The following NDP variants were observed in gnomAD, a reference collection of about 807,000 sequenced individuals.
The protein encoded by NDP is norrin cystine knot growth factor NDP, also known as norrin.
Under a neutral mutation model 8.4 loss-of-function variants are expected in NDP, and 2 were observed. The observed-to-expected ratio is 0.24, with a 90% confidence interval of 0.10 to 0.75. The LOEUF is 0.75. Among genes scored for constraint, NDP ranks in the 30% least tolerant of loss-of-function variants. The probability of loss-of-function intolerance (pLI) is 0.73; values close to 1 mark genes in which losing one functional copy is unlikely to be tolerated. For synonymous variants in NDP, 55 were observed against 45.6 expected (o/e 1.21, Z -0.83); for missense variants, 81 against 110.1 (o/e 0.74, Z 1.18).
In NDP at chrX:43,949,398, C is replaced by T; in HGVS notation, c.*401G>A. 1 of 181,519 alleles carries T rather than the reference C, an allele frequency of 5.5e-6. No individual in the cohort carries two copies. The highest frequency in any genetic ancestry group is 1.0e-5 in the Non-Finnish European group (1 of 96,834). 15.0% of individuals were successfully genotyped at this position (181,519 alleles called of 1,213,427 possible). The stretch of plus-strand genomic sequence containing the variant: ...ACATCAACAATAACAGAAGATGTCC[C>T]AGGAAAAGCTGGGCTTTTCTACTTT... On this transcript the variant is annotated 3_prime_UTR_variant, in exon 3 of 3. Coordinates refer to ENST00000642620, the MANE Select transcript of NDP (RefSeq NM_000266.4).
At chrX:43,950,351 C>T (rs753846477) in intron 2 of NDP, among the ~76,000 whole-genome samples, 1 of 108,674 alleles carries the variant, frequency 9.2e-6, no homozygotes, top group Non-Finnish European at 1.9e-5. Flanking sequence ...GAAATTTCTC[C>T]TGACAGGTAG....
chrX:43,963,328 C>T, intron 1 of NDP, among the ~76,000 whole-genome samples: 1 of 75,335 alleles, frequency 1.3e-5, no homozygotes, highest in East Asian at 3.9e-4. Flanking sequence ...GAGTCTTGGC[C>T]TGTTGTTTTC....
chrX:43,972,367 C>T (rs1359763155), intron 1 of NDP, among the ~76,000 whole-genome samples: 1 of 110,932 alleles, frequency 9.0e-6, no homozygotes, highest in African/African-American at 3.3e-5. Context: ...AACTTCCCGT[C>T]CCCCAAGAAA....
At chrX:43,953,249 C>A (rs2035772971) in intron 2 of NDP, 1 of 111,678 alleles carries the variant, frequency 9.0e-6, no homozygotes, top group South Asian at 3.7e-4. Context: ...GAAGGAATAA[C>A]CATCTGCTCT....
Position 43,950,009 on chromosome X carries a change from C to T in NDP, c.192G>A (p.Arg64=), listed in dbSNP as rs1272952079. 3.3e-6 allele frequency: 4 copies of T among 1,201,729 alleles called. No individual in the cohort carries two copies. Among genetic ancestry groups the T allele is most frequent in the East Asian group, 3.0e-5 (1 of 33,372 alleles). Residue 64 remains arginine, a synonymous_variant, in exon 3 of 3, where the codon AGG becomes AGA. Coordinates refer to ENST00000642620, the MANE Select transcript of NDP (RefSeq NM_000266.4). ...ACGCCTGGCTGCAGTGCCCCTCGCACCTGGCCAGGAGCACCATCTGGGGAA... is the reference window on the plus strand; with the variant it reads ...ACGCCTGGCTGCAGTGCCCCTCGCATCTGGCCAGGAGCACCATCTGGGGAA... ...KCSSKMVLLA[R]CEGHCSQASR...
intron 2 of NDP, among the ~76,000 whole-genome samples, chrX:43,957,106 G>A (rs996939871): frequency 2.7e-5 from 3 of 111,469 alleles, no homozygotes; most frequent in African/African-American, 9.8e-5. Context: ...AACTCAATAC[G>A]GAAAGAAATT....
rs963407043 is a variant in NDP, at chrX:43,955,275, C to T, written c.174+3197G>A. Reference sequence around the variant, plus strand: ...TAGTTTATAACTTTATCATCAAGATCATAATATCTTCTATTAAATGGCTAT... The same window carrying T: ...TAGTTTATAACTTTATCATCAAGATTATAATATCTTCTATTAAATGGCTAT... On this transcript the variant is annotated intron_variant, in intron 2 of 2. Coordinates refer to ENST00000642620, the MANE Select transcript of NDP (RefSeq NM_000266.4). 5.3e-5 allele frequency among the ~76,000 whole-genome samples: 6 copies of T among 112,323 alleles called. No homozygotes were observed. The Admixed American group carries it at 5.6e-4, about 11-fold the overall frequency.
At position 43,958,506 on chromosome X, in the gene NDP, G is replaced by A; in HGVS notation, c.140C>T (p.Ser47Phe). 8.3e-7 allele frequency: 1 copy of A among 1,212,075 alleles called. No individual in the cohort carries two copies. Among genetic ancestry groups the A allele is most frequent in the Non-Finnish European group, 1.1e-6 (1 of 895,425 alleles). The change falls in exon 2 of 3, where the codon TCT becomes TTT. Residue 47 changes from serine (S) to phenylalanine (F), a missense_variant. Physicochemically the swap from Ser to Phe is radical, Grantham distance 155 (BLOSUM62 -2). Coordinates refer to ENST00000642620, the MANE Select transcript of NDP (RefSeq NM_000266.4). Reference protein sequence around the residue: ...RRCMRHHYVDSISHPLYKCSS... With the variant: ...RRCMRHHYVDFISHPLYKCSS... ...ACACTTGTACAATGGGTGACTGATA[G>A]AATCCACATAGTGGTGCCTCATGCA...
At chrX:43,953,007 T>C (rs182965886) in intron 2 of NDP, among the ~76,000 whole-genome samples, 16 of 111,130 alleles carry the variant, frequency 1.4e-4, no homozygotes, top group African/African-American at 5.2e-4. Context: ...CTCCCAAATA[T>C]GTCCTTTCCA....
At chrX:43,958,311 G>A (rs1025780197) in intron 2 of NDP, among the ~76,000 whole-genome samples, 161 bp downstream of exon 2, 1 of 112,551 alleles carries the variant, frequency 8.9e-6, no homozygotes, top group Non-Finnish European at 1.9e-5. Flanking sequence ...TGCAAAGCAC[G>A]GGGGGAAATT....
intron 2 of NDP, among the ~76,000 whole-genome samples, chrX:43,957,376 A>G (rs2035800590): frequency 9.0e-6 from 1 of 111,525 alleles, no homozygotes; most frequent in South Asian, 3.7e-4. Context: ...AGAGCCAGAA[A>G]GTTTTTATTA....
At chrX:43,954,166 G>A (rs1479706016) in intron 2 of NDP, among the ~76,000 whole-genome samples, 1 of 111,726 alleles carries the variant, frequency 9.0e-6, no homozygotes, top group Non-Finnish European at 1.9e-5. Context: ...ATAACCTCAG[G>A]AACAAGATTC....
At chrX:43,962,753 C>G (rs939337189) in intron 1 of NDP, among the ~76,000 whole-genome samples, 1 of 111,685 alleles carries the variant, frequency 9.0e-6, no homozygotes, top group Admixed American at 9.5e-5. Context: ...ACGTACAGAG[C>G]CCACATTCTA....
intron 2 of NDP, among the ~76,000 whole-genome samples, chrX:43,951,997 T>C (rs953615761): frequency 8.9e-6 from 1 of 112,183 alleles, no homozygotes; most frequent in Non-Finnish European, 1.9e-5. Context: ...GTTTTGTTTT[T>C]AGAGACAGAG....
At chrX:43,972,583 C>T (rs2035896935) in intron 1 of NDP, among the ~76,000 whole-genome samples, 1 of 111,168 alleles carries the variant, frequency 9.0e-6, no homozygotes, top group African/African-American at 3.3e-5. Context: ...TAACCCCCTG[C>T]AATAAGTCCA....
intron 2 of NDP, among the ~76,000 whole-genome samples, chrX:43,951,873 A>G (rs775349136): frequency 2.5e-4 from 28 of 112,364 alleles, no homozygotes; most frequent in Non-Finnish European, 5.1e-4. Context: ...AGAGGCAGAG[A>G]GAAAATAGCA....
intron 1 of NDP, among the ~76,000 whole-genome samples, chrX:43,971,113 C>G (rs1384035925): frequency 1.8e-5 from 2 of 112,152 alleles, no homozygotes; most frequent in Admixed American, 9.4e-5. Flanking sequence ...ATTGGCAATG[C>G]CCATTTCAGT....
At chrX:43,965,234 G>C (rs187060087) in intron 1 of NDP, among the ~76,000 whole-genome samples, 12 of 110,734 alleles carry the variant, frequency 1.1e-4, no homozygotes, top group Admixed American at 1.1e-3. Context: ...GGGTAACACA[G>C]GGAGACTTCA....
Position 43,958,756 on chromosome X carries a change from C to G in NDP, c.-111G>C. The G allele has an allele frequency of 1.5e-6, 1 of 660,631 alleles. No individual in the cohort carries two copies. The highest frequency in any genetic ancestry group is 2.4e-5 in the South Asian group (1 of 42,406). 54.4% of individuals were successfully genotyped at this position (660,631 alleles called of 1,213,427 possible). A position where few individuals can be genotyped will look rare whatever the true frequency, so the allele number is the denominator to read the frequency against. On this transcript the variant is annotated 5_prime_UTR_variant, in exon 2 of 3. Transcript: ENST00000642620. ...GTCCCGTTCAAGGAAAGGGCAGGAT[C>G]GGGCTGAAGCTTTCTGGTTGTCATT...
Sources: gnomAD v4.1 joint callset for allele counts (sites outside exome capture counted in the v4.1 genomes callset) on GRCh38, gnomAD v4.1.1 for gene constraint, MANE v1.5 for transcripts, NCBI Gene and HGNC (gene_info 2026-07-23, HGNC 2026-07-21) for gene names.